Variants in GLRA3 observed in about 807,000 individuals in gnomAD.
GLRA3 encodes glycine receptor subunit alpha-3.
GLRA3 carries 44 observed loss-of-function variants against 60.4 expected under a neutral mutation model. That is an observed-to-expected ratio of 0.73 (90% confidence interval 0.57 to 0.94). The LOEUF (loss-of-function observed/expected upper bound fraction) is 0.94. Among genes scored for constraint, GLRA3 ranks in the 40% least tolerant of loss-of-function variants. GLRA3 has a pLI of 0.00. For synonymous variants in GLRA3, 223 were observed against 192.9 expected (o/e 1.16, Z -1.29); for missense variants, 508 against 564.6 (o/e 0.90, Z 1.02).
chr4:174,650,988 C>T (rs1733003538), intron 9 of GLRA3, among the ~76,000 whole-genome samples: 1 of 152,206 alleles, frequency 6.6e-6, no homozygotes, highest in Admixed American at 6.6e-5. Context: ...AGGGTTCTTG[C>T]CCTTGGCTTC....
At position 174,828,715 on chromosome 4, in the gene GLRA3, C is replaced by T. The variant is rs767333697; in HGVS notation, c.71+26G>A. ...TAATGCACAGGCTTAATGAGTTCTC[C>T]GACTGTTAAATCCAAGCGAACTCAC... On this transcript the variant is annotated intron_variant, in intron 1 of 9. Transcript: ENST00000274093. 52 of 1,486,498 alleles carry T rather than the reference C, an allele frequency of 3.5e-5. 1 individual carries two copies. Among genetic ancestry groups the T allele is most frequent in the East Asian group, 2.3e-4 (10 of 44,300 alleles). The allele number at this position is 1,486,498 out of a possible 1,614,324, so 92.1% of individuals were successfully genotyped here.
intron 7 of GLRA3, among the ~76,000 whole-genome samples, chr4:174,672,763 G>T (rs1355947168): frequency 6.6e-6 from 1 of 152,052 alleles, no homozygotes; most frequent in African/African-American, 2.4e-5. Flanking sequence ...TGTTATGCAG[G>T]ATAATTGCGA....
At chr4:174,693,894 T>C (rs1248377288) in intron 5 of GLRA3, among the ~76,000 whole-genome samples, 3 of 151,884 alleles carry the variant, frequency 2.0e-5, no homozygotes, top group East Asian at 1.9e-4. Flanking sequence ...TGGAGGAAAA[T>C]CTACCAAGCA....
intron 9 of GLRA3, among the ~76,000 whole-genome samples, chr4:174,648,466 A>T (rs1490954128): frequency 6.6e-6 from 1 of 152,214 alleles, no homozygotes; most frequent in African/African-American, 2.4e-5. Context: ...ACTCCATCTC[A>T]GAATCAATCA....
chr4:174,686,431 G>A (rs191939134), intron 5 of GLRA3, among the ~76,000 whole-genome samples: 53 of 152,240 alleles, frequency 3.5e-4, no homozygotes, highest in African/African-American at 1.2e-3. Flanking sequence ...AATTTATTCA[G>A]GGAACAGACA....
chr4:174,743,789 G>A (rs1030440117), intron 3 of GLRA3, among the ~76,000 whole-genome samples: 2 of 151,986 alleles, frequency 1.3e-5, no homozygotes, highest in African/African-American at 2.4e-5. Context: ...GAAACATTTT[G>A]TAATTTCTAA....
intron 4 of GLRA3, among the ~76,000 whole-genome samples, chr4:174,728,147 T>C (rs1033043406): frequency 1.3e-5 from 2 of 152,200 alleles, no homozygotes; most frequent in African/African-American, 4.8e-5. Flanking sequence ...AGAAGACATA[T>C]ATACATAAAA....
At chr4:174,799,289 C>T (rs1166050452) in intron 1 of GLRA3, among the ~76,000 whole-genome samples, 1 of 152,180 alleles carries the variant, frequency 6.6e-6, no homozygotes, top group Non-Finnish European at 1.5e-5. Flanking sequence ...GAAGCCTACA[C>T]TTTAAAACAA....
rs36089597 is a variant in GLRA3, at chr4:174,756,649, C to CTTT, written c.267+10311_267+10313dup. ...TACAGTTAATGCCATTCTTTTTTTT[C>CTTT]TTTTTTTTTTTTTGAGACAGAGTCT... On this transcript the variant is annotated intron_variant, in intron 3 of 9. Coordinates refer to ENST00000274093, the MANE Select transcript of GLRA3 (RefSeq NM_006529.4). 4.7e-3 allele frequency among the ~76,000 whole-genome samples: 673 copies of CTTT among 142,482 alleles called. 5 individuals carry two copies. Among genetic ancestry groups the CTTT allele is most frequent in the African/African-American group, 5.7e-3 (219 of 38,624 alleles). 93.5% of individuals were successfully genotyped at this position (142,482 alleles called of 152,430 possible). A position where few individuals can be genotyped will look rare whatever the true frequency, so the allele number is the denominator to read the frequency against.
chr4:174,820,138 A>G (rs1289920978), intron 1 of GLRA3, among the ~76,000 whole-genome samples: 1 of 152,222 alleles, frequency 6.6e-6, no homozygotes, highest in Non-Finnish European at 1.5e-5. Context: ...TAACTGAGTA[A>G]GAAAATGAAC....
chr4:174,756,586 A>G (rs1377672251), intron 3 of GLRA3, among the ~76,000 whole-genome samples: 1 of 152,108 alleles, frequency 6.6e-6, no homozygotes, highest in African/African-American at 2.4e-5. Flanking sequence ...CAACAGTGGA[A>G]GTAAACTCAA....
chr4:174,782,387 A>G (rs1265515436), intron 2 of GLRA3, among the ~76,000 whole-genome samples: 9 of 151,666 alleles, frequency 5.9e-5, no homozygotes, highest in African/African-American at 9.7e-5. Flanking sequence ...AACTGGAAGC[A>G]TTCCCTTTGA....
intron 2 of GLRA3, among the ~76,000 whole-genome samples, chr4:174,778,923 T>G (rs968924368): frequency 1.3e-5 from 2 of 152,106 alleles, no homozygotes; most frequent in African/African-American, 4.8e-5. Flanking sequence ...CAGGCTTGCT[T>G]AGGTAAACAA....
intron 3 of GLRA3, among the ~76,000 whole-genome samples, chr4:174,757,205 C>A (rs1737753183): frequency 6.6e-6 from 1 of 152,002 alleles, no homozygotes; most frequent in Admixed American, 6.6e-5. Flanking sequence ...GTCAATATTG[C>A]AAAATTTATT....
chr4:174,810,688 T>A (rs1740228347), intron 1 of GLRA3, among the ~76,000 whole-genome samples: 1 of 152,120 alleles, frequency 6.6e-6, no homozygotes, highest in Admixed American at 6.6e-5. Flanking sequence ...GACTTTGAAA[T>A]CCATTTTAAT....
chr4:174,640,071 G>C lies in GLRA3; in HGVS notation c.*3715C>G, dbSNP rs1381879842. On this transcript the variant is annotated 3_prime_UTR_variant, in exon 10 of 10. Coordinates refer to ENST00000274093, the MANE Select transcript of GLRA3 (RefSeq NM_006529.4). ...TTCTTTGCTAGTTCAATATTAACTAGATGAAAAATATAGGTCGTATATGCT... is the reference window on the plus strand; with the variant it reads ...TTCTTTGCTAGTTCAATATTAACTACATGAAAAATATAGGTCGTATATGCT... 2.0e-5 allele frequency: 3 copies of C among 152,150 alleles called. No individual in the cohort carries two copies. The South Asian group carries it at 6.2e-4, about 32-fold the overall frequency. The allele number at this position is 152,150 out of a possible 1,614,324, so 9.4% of individuals were successfully genotyped here. A position where few individuals can be genotyped will look rare whatever the true frequency, so the allele number is the denominator to read the frequency against.
intron 1 of GLRA3, among the ~76,000 whole-genome samples, chr4:174,817,783 T>A (rs892536053): frequency 6.6e-6 from 1 of 152,048 alleles, no homozygotes; most frequent in African/African-American, 2.4e-5. Context: ...ATTTTTGTAT[T>A]TTTAGTAGAG....
intron 1 of GLRA3, among the ~76,000 whole-genome samples, chr4:174,796,627 C>T (rs1351482725): frequency 1.3e-5 from 2 of 152,020 alleles, no homozygotes; most frequent in East Asian, 1.9e-4. Context: ...ACCTCCGCCT[C>T]CTGGGTTCAA....
chr4:174,790,117 AG>A (rs751678918), intron 1 of GLRA3, among the ~76,000 whole-genome samples: 12 of 152,332 alleles, frequency 7.9e-5, no homozygotes, highest in Admixed American at 4.6e-4. Flanking sequence ...CTGTAAGCAC[AG>A]AATCACAAAT....
Sources: gnomAD v4.1 joint callset for allele counts (sites outside exome capture counted in the v4.1 genomes callset) on GRCh38, gnomAD v4.1.1 for gene constraint, MANE v1.5 for transcripts, NCBI Gene and HGNC (gene_info 2026-07-23, HGNC 2026-07-21) for gene names.